The following LDB2 variants were observed in gnomAD, a reference collection of about 807,000 sequenced individuals.
The protein encoded by LDB2 is LIM domain binding 2.
Under a neutral mutation model 44.3 loss-of-function variants are expected in LDB2, and 12 were observed. The ratio of observed to expected loss-of-function variants is 0.27; its 90% CI spans 0.17 to 0.44. LDB2 has a LOEUF of 0.44. LDB2 is among the 20% of genes least tolerant of loss of function. The probability of loss-of-function intolerance (pLI) is 1.00; values close to 1 mark genes in which losing one functional copy is unlikely to be tolerated. For missense variants in LDB2, 344 were observed against 473.5 expected (o/e 0.73, Z 2.54); for synonymous variants, 164 against 174.8 (o/e 0.94, Z 0.49).
intron 5 of LDB2, among the ~76,000 whole-genome samples, chr4:16,528,785 G>A (rs899350627): frequency 2.6e-5 from 4 of 152,172 alleles, no homozygotes; most frequent in African/African-American, 9.7e-5. Flanking sequence ...CGTAAGGGAC[G>A]TGGGCGAAGA....
At chr4:16,689,316 C>A (rs1750022669) in intron 2 of LDB2, among the ~76,000 whole-genome samples, 1 of 152,170 alleles carries the variant, frequency 6.6e-6, no homozygotes, top group Non-Finnish European at 1.5e-5. Context: ...TGCCTAGTAG[C>A]CAGAAGGAAA....
intron 5 of LDB2, among the ~76,000 whole-genome samples, chr4:16,570,194 T>A (rs1745907737): frequency 2.0e-5 from 3 of 152,012 alleles, no homozygotes; most frequent in Admixed American, 1.3e-4. Flanking sequence ...CTGGACACAG[T>A]GACTCATGCC....
intron 2 of LDB2, among the ~76,000 whole-genome samples, chr4:16,696,220 CAGTG>C (rs1348685801): frequency 1.4e-4 from 22 of 152,158 alleles, no homozygotes; most frequent in Admixed American, 7.2e-4. Flanking sequence ...TGTAGCGGAA[CAGTG>C]AGTATCTCTG....
At position 16,627,555 on chromosome 4, in the gene LDB2, C is replaced by T. The variant is rs187971392; in HGVS notation, c.236-31680G>A. Among the ~76,000 whole-genome samples the T allele has an allele frequency of 1.9e-3, 288 of 152,196 alleles. 1 individual carries two copies. Among genetic ancestry groups the T allele is most frequent in the African/African-American group, 5.5e-3 (228 of 41,512 alleles). The stretch of plus-strand genomic sequence containing the variant: ...GTCAGGTCTTTTACATCAACTATCT[C>T]CATTTTATGGGTAGAAAACCCAAGC... On this transcript the variant is annotated intron_variant, in intron 2 of 7. Coordinates refer to ENST00000304523, the MANE Select transcript of LDB2 (RefSeq NM_001290.5).
chr4:16,859,845 TA>T (rs1468472104), intron 1 of LDB2, among the ~76,000 whole-genome samples: 2 of 152,232 alleles, frequency 1.3e-5, no homozygotes, highest in Non-Finnish European at 2.9e-5. Context: ...CAGATAATTA[TA>T]AAAAGTGACA....
intron 2 of LDB2, among the ~76,000 whole-genome samples, chr4:16,700,504 T>C (rs1753203121): frequency 6.6e-6 from 1 of 152,260 alleles, no homozygotes; most frequent in African/African-American, 2.4e-5. Flanking sequence ...CTTGTTTTCT[T>C]GCTAAAAACA....
At chr4:16,843,223 G>T (rs1288426219) in intron 1 of LDB2, among the ~76,000 whole-genome samples, 7 of 152,090 alleles carry the variant, frequency 4.6e-5, no homozygotes, top group Non-Finnish European at 7.4e-5. Flanking sequence ...TAAACAGTAA[G>T]ATTATTTTCA....
At chr4:16,718,149 C>G (rs866567480) in intron 2 of LDB2, among the ~76,000 whole-genome samples, 9 of 152,116 alleles carry the variant, frequency 5.9e-5, no homozygotes, top group Admixed American at 1.3e-4. Context: ...TTTACTCACT[C>G]AACCCACCAA....
At chr4:16,676,604 T>C (rs575627483) in intron 2 of LDB2, among the ~76,000 whole-genome samples, 31 of 152,348 alleles carry the variant, frequency 2.0e-4, no homozygotes, top group African/African-American at 6.5e-4. Context: ...CAGGGCAATG[T>C]ACTAACTTCT....
intron 1 of LDB2, among the ~76,000 whole-genome samples, chr4:16,897,237 T>G (rs1725273879): frequency 6.6e-6 from 1 of 152,176 alleles, no homozygotes; most frequent in Non-Finnish European, 1.5e-5. Context: ...AAGTCAATCT[T>G]CAATCTAAAA....
At chr4:16,599,951 A>G (rs910643087) in intron 2 of LDB2, among the ~76,000 whole-genome samples, 1 of 152,212 alleles carries the variant, frequency 6.6e-6, no homozygotes, top group East Asian at 1.9e-4. Flanking sequence ...TTAAGTATCT[A>G]TAACATGATG....
chr4:16,834,526 G>A (rs1419188489), intron 1 of LDB2, among the ~76,000 whole-genome samples: 2 of 152,016 alleles, frequency 1.3e-5, no homozygotes, highest in African/African-American at 4.8e-5. Context: ...ATAGGTGCAA[G>A]CTTTAGAAGG....
rs1002590009 is a variant in LDB2 at position 16,613,864 on chromosome 4, A to G, written c.236-17989T>C. On this transcript the variant is annotated intron_variant, in intron 2 of 7. Transcript: ENST00000304523. ...CTGCCCGAAGTAATTTATAGATTCA[A>G]TGCTATTCCCATCAAGCTACATTGA... 2.0e-5 allele frequency among the ~76,000 whole-genome samples: 3 copies of G among 152,356 alleles called. 1 individual carries two copies. Among genetic ancestry groups the G allele is most frequent in the Middle Eastern group, 6.8e-3 (2 of 294 alleles).
chr4:16,659,092 C>T (rs934240204), intron 2 of LDB2, among the ~76,000 whole-genome samples: 1 of 152,180 alleles, frequency 6.6e-6, no homozygotes, highest in African/African-American at 2.4e-5. Context: ...ACGAGCACCA[C>T]CTGGGGAATG....
At chr4:16,828,590 G>A (rs1274399130) in intron 1 of LDB2, among the ~76,000 whole-genome samples, 1 of 152,152 alleles carries the variant, frequency 6.6e-6, no homozygotes, top group Non-Finnish European at 1.5e-5. Context: ...GTAAGTTTTT[G>A]TTGTATCTCT....
intron 2 of LDB2, among the ~76,000 whole-genome samples, chr4:16,636,693 G>C (rs1022370332): frequency 6.6e-6 from 1 of 152,110 alleles, no homozygotes; most frequent in East Asian, 1.9e-4. Context: ...GGGGGTGGGG[G>C]ACAAGAGGGG....
intron 2 of LDB2, among the ~76,000 whole-genome samples, chr4:16,659,162 G>A (rs1359325046): frequency 2.0e-5 from 3 of 152,152 alleles, no homozygotes; most frequent in Non-Finnish European, 2.9e-5. Flanking sequence ...TTCCTGGAGT[G>A]TATAAAGACC....
chr4:16,547,193 C>T (rs1326265907), intron 5 of LDB2, among the ~76,000 whole-genome samples: 1 of 151,186 alleles, frequency 6.6e-6, no homozygotes, highest in African/African-American at 2.5e-5. Flanking sequence ...TGAAGAGACC[C>T]GAGGCAGAAA....
At chr4:16,829,711 TA>T (rs1298507274) in intron 1 of LDB2, among the ~76,000 whole-genome samples, 3 of 152,298 alleles carry the variant, frequency 2.0e-5, no homozygotes, top group African/African-American at 7.2e-5. Flanking sequence ...CTGTGCTAAA[TA>T]AATGACTTAG....
Sources: allele counts gnomAD v4.1 joint callset (sites outside exome capture counted in the v4.1 genomes callset), GRCh38; gene constraint gnomAD v4.1.1; transcripts MANE v1.5; gene names NCBI Gene and HGNC (gene_info 2026-07-23, HGNC 2026-07-21).